CBX1: variants seen among roughly 807,000 people sequenced by gnomAD.
CBX1 encodes the protein chromobox 1.
A neutral mutation model predicts 25.1 loss-of-function variants in CBX1; 10 were observed. The ratio of observed to expected loss-of-function variants is 0.40; its 90% CI spans 0.25 to 0.68. The LOEUF (loss-of-function observed/expected upper bound fraction) is 0.68. CBX1 is among the 30% of genes least tolerant of loss of function. CBX1 has a pLI of 0.40. For synonymous variants in CBX1, 63 were observed against 79.4 expected, an observed-to-expected ratio of 0.79 and a Z score of 1.10; for missense variants, 106 against 218.5, an observed-to-expected ratio of 0.49 and a Z score of 3.25.
chr17:48,072,707 T>C (rs1272543254), intron 4 of CBX1, among the ~76,000 whole-genome samples: 1 of 151,398 alleles, frequency 6.6e-6, no homozygotes, highest in Non-Finnish European at 1.5e-5. Context: ...GGCGTGAAAC[T>C]GGGAGGCAGA....
chr17:48,073,865 A>AAGG (rs2037650803), intron 4 of CBX1, among the ~76,000 whole-genome samples: 1 of 150,588 alleles, frequency 6.6e-6, no homozygotes, highest in Admixed American at 6.6e-5. Flanking sequence ...GAGTCAACCA[A>AAGG]AGGAGTACAA....
chr17:48,070,858 A>T lies in CBX1; in HGVS notation c.*577T>A, dbSNP rs1285609726. 1 of 152,652 alleles carries T rather than the reference A, an allele frequency of 6.6e-6. No homozygotes were observed. Among genetic ancestry groups the T allele is most frequent in the African/African-American group, 2.4e-5 (1 of 41,452 alleles). The allele number at this position is 152,652 out of a possible 1,614,324, so 9.5% of individuals were successfully genotyped here. ...TTTATGGTGCCAATGACATTTTTTTAAAGGTAAAATATTCTGGACATAGAA... is the reference window on the plus strand; with the variant it reads ...TTTATGGTGCCAATGACATTTTTTTTAAGGTAAAATATTCTGGACATAGAA... On this transcript the variant is annotated 3_prime_UTR_variant, in exon 5 of 5. Transcript: ENST00000225603.
intron 1 of CBX1, among the ~76,000 whole-genome samples, chr17:48,096,649 C>A (rs974427351): frequency 1.3e-5 from 2 of 152,040 alleles, no homozygotes; most frequent in Admixed American, 6.6e-5. Context: ...GTGGTGTGCA[C>A]CTGTATTCCT....
chr17:48,079,111 G>A (rs890177283), intron 1 of CBX1, among the ~76,000 whole-genome samples: 3 of 130,830 alleles, frequency 2.3e-5, no homozygotes, highest in Admixed American at 8.1e-5. Context: ...CCCCGGCCCC[G>A]CACCTCCCCC....
intron 1 of CBX1, chr17:48,100,478 G>A (rs66652835): frequency 0.038 from 5,795 of 152,784 alleles, 124 homozygotes; most frequent in East Asian, 0.054. Context: ...TGGAGTGAAG[G>A]TAGTAGGAAA....
chr17:48,093,075 AAAAAAAAAAAAAAAG>A (rs1291349233), intron 1 of CBX1, among the ~76,000 whole-genome samples: 1 of 84,784 alleles, frequency 1.2e-5, no homozygotes, highest in East Asian at 2.5e-4. Flanking sequence ...TGTCTCAAAA[AAAAAAAAAAAAAAAG>A]AAAAGAAAAG....
Position 48,097,843 on chromosome 17 carries a change from G to C in CBX1, c.-38+3425C>G, listed in dbSNP as rs570418395. Among the ~76,000 whole-genome samples, 6 of 152,188 alleles carry C rather than the reference G, an allele frequency of 3.9e-5. No homozygotes were observed. In the East Asian group the frequency reaches 1.2e-3, roughly 29 times the overall value. Reference sequence around the variant, plus strand: ...AACTTCTCCAAATAACCTTGGAAAGGCTATTCAATTTTTCAACAGACATTG... The same window carrying C: ...AACTTCTCCAAATAACCTTGGAAAGCCTATTCAATTTTTCAACAGACATTG... On this transcript the variant is annotated intron_variant, in intron 1 of 4. Transcript: ENST00000225603.
rs151189223 is a variant in CBX1, at chr17:48,085,103, T to C, written c.-37-8062A>G. Among the ~76,000 whole-genome samples, 612 of 152,292 alleles carry C rather than the reference T, an allele frequency of 4.0e-3. 4 individuals are homozygous for C. The highest frequency in any genetic ancestry group is 0.014 in the African/African-American group (575 of 41,564). ...ATATTGTAAACAAAGAAATCTAGCA[T>C]TGCCATAATTTTTACCTAAACATTT... On this transcript the variant is annotated intron_variant, in intron 1 of 4. Coordinates refer to ENST00000225603, the MANE Select transcript of CBX1 (RefSeq NM_001127228.2).
At chr17:48,100,649 A>C in intron 1 of CBX1, 1 of 858,726 alleles carries the variant, frequency 1.2e-6, no homozygotes, top group Non-Finnish European at 1.4e-6. Context: ...TACTTATCCT[A>C]ACAGCTCCTC....
intron 1 of CBX1, among the ~76,000 whole-genome samples, chr17:48,089,123 CAG>C (rs2063329092): frequency 7.7e-6 from 1 of 129,934 alleles, no homozygotes; most frequent in African/African-American, 2.8e-5. Flanking sequence ...TTTTTTGAGA[CAG>C]AGTCTCACTC....
chr17:48,081,295 C>G (rs1192925995), intron 1 of CBX1, among the ~76,000 whole-genome samples: 1 of 152,018 alleles, frequency 6.6e-6, no homozygotes, highest in Non-Finnish European at 1.5e-5. Context: ...TAACTGATCT[C>G]TACCTACTGC....
intron 1 of CBX1, among the ~76,000 whole-genome samples, chr17:48,081,343 C>G (rs2037736146): frequency 6.6e-6 from 1 of 152,112 alleles, no homozygotes; most frequent in Non-Finnish European, 1.5e-5. Flanking sequence ...AGCATGGCCT[C>G]AGAGAGGAAC....
chr17:48,073,824 C>CAAAAAAAAAGAAAAAAAAA (rs2037649202), intron 4 of CBX1, among the ~76,000 whole-genome samples: 1 of 82,500 alleles, frequency 1.2e-5, no homozygotes, highest in Non-Finnish European at 2.2e-5. Flanking sequence ...GAGACTGTCT[C>CAAAAAAAAAGAAAAAAAAA]AAAAAAAAAA....
chr17:48,100,356 A>T (rs1358051993), intron 1 of CBX1, among the ~76,000 whole-genome samples: 1 of 152,056 alleles, frequency 6.6e-6, no homozygotes, highest in Non-Finnish European at 1.5e-5. Context: ...ATATTTTTAC[A>T]ATTTCATCAC....
chr17:48,094,181 C>T (rs1053280799), intron 1 of CBX1, among the ~76,000 whole-genome samples: 1 of 145,846 alleles, frequency 6.9e-6, no homozygotes, highest in Non-Finnish European at 1.5e-5. Flanking sequence ...TGCTTGTAAT[C>T]CCAGCACATT....
intron 1 of CBX1, among the ~76,000 whole-genome samples, chr17:48,098,233 G>T (rs1222493863): frequency 1.3e-5 from 2 of 148,730 alleles, no homozygotes; most frequent in Non-Finnish European, 3.0e-5. Context: ...CCTGGCAACA[G>T]AGCGACACTC....
chr17:48,090,530 T>C (rs1312173779), intron 1 of CBX1, among the ~76,000 whole-genome samples: 2 of 152,192 alleles, frequency 1.3e-5, no homozygotes, highest in Non-Finnish European at 2.9e-5. Flanking sequence ...CTGCTGCTGC[T>C]CTATTCGAAG....
chr17:48,083,781 G>A (rs913955164), intron 1 of CBX1, among the ~76,000 whole-genome samples: 4 of 149,916 alleles, frequency 2.7e-5, no homozygotes, highest in Non-Finnish European at 2.9e-5. Context: ...CCGAGATTGC[G>A]CCATTGCACT....
intron 2 of CBX1, 150 bp downstream of exon 2, chr17:48,076,714 TA>T: frequency 1.5e-6 from 1 of 681,540 alleles, no homozygotes; most frequent in Non-Finnish European, 2.5e-6. Context: ...CTTTGTATTA[TA>T]AGCAGTAGGC....
Sources: gnomAD v4.1 joint callset for allele counts (sites outside exome capture counted in the v4.1 genomes callset) on GRCh38, gnomAD v4.1.1 for gene constraint, MANE v1.5 for transcripts, NCBI Gene and HGNC (gene_info 2026-07-23, HGNC 2026-07-21) for gene names.